The following DNAH11 variants were observed in gnomAD, a reference collection of about 807,000 sequenced individuals.
DNAH11 encodes axonemal beta dynein heavy chain 11.
In DNAH11, 442 loss-of-function variants were observed where a neutral mutation model predicts 526.0. The observed-to-expected ratio is 0.84, with a 90% CI of 0.78 to 0.91. DNAH11 has a LOEUF of 0.91. Ranked by LOEUF, DNAH11 falls within the 40% of genes least tolerant of loss-of-function variation. The pLI is 0.00. For missense variants in DNAH11, 6,989 were observed against 5,448.7 expected (o/e 1.28, Z -8.90); for synonymous variants, 2,461 against 1,935.9 (o/e 1.27, Z -7.12).
At chr7:21,771,734 C>A (rs1245263047) in intron 55 of DNAH11, among the ~76,000 whole-genome samples, 1 of 152,046 alleles carries the variant, frequency 6.6e-6, no homozygotes, top group East Asian at 1.9e-4. Context: ...GAGGCCAAAT[C>A]TAGCAGGAAT....
Position 21,543,414 on chromosome 7 carries a change from GCGCGGGTGCGCTTCCTCGGCGGC to G in DNAH11, c.173_195del (p.Arg58ProfsTer40). ...GAGAGCGCGGAGTTTCGCCCAAGAC[GCGCGGGTGCGCTTCCTCGGCGGC>G]CGCCTGGCGATGATGCTGGGGTTCA... is the stretch of plus-strand genomic sequence containing the variant. On this transcript the variant is annotated frameshift_variant, in exon 1 of 82. Coordinates refer to ENST00000409508, the MANE Select transcript of DNAH11 (RefSeq NM_001277115.2). LOFTEE classifies it high-confidence loss of function. 1 of 1,554,526 alleles carries G rather than the reference GCGCGGGTGCGCTTCCTCGGCGGC, an allele frequency of 6.4e-7. No homozygotes were observed. Among genetic ancestry groups the G allele is most frequent in the African/African-American group, 1.4e-5 (1 of 73,422 alleles).
At chr7:21,654,583 A>G (rs1408273638) in intron 28 of DNAH11, among the ~76,000 whole-genome samples, 3 of 151,958 alleles carry the variant, frequency 2.0e-5, no homozygotes, top group Non-Finnish European at 4.4e-5. Context: ...CCTATTTTCA[A>G]CTCTGTAGGT....
chr7:21,856,022 A>G (rs1782833702), intron 68 of DNAH11, among the ~76,000 whole-genome samples: 1 of 152,130 alleles, frequency 6.6e-6, no homozygotes, highest in South Asian at 2.1e-4. Flanking sequence ...GTGTTTGGAG[A>G]AAACAGGAAT....
chr7:21,586,571 T>C (rs1784484384), intron 9 of DNAH11, among the ~76,000 whole-genome samples: 1 of 152,226 alleles, frequency 6.6e-6, no homozygotes. Context: ...AATTTTATTT[T>C]CAGTGAATGT....
At chr7:21,676,450 C>T (rs548864086) in intron 30 of DNAH11, among the ~76,000 whole-genome samples, 1 of 152,216 alleles carries the variant, frequency 6.6e-6, no homozygotes, top group Admixed American at 6.5e-5. Flanking sequence ...TGCCACTGCC[C>T]AAATAATAGA....
intron 65 of DNAH11, among the ~76,000 whole-genome samples, chr7:21,819,401 A>G (rs1789957087): frequency 6.6e-6 from 1 of 152,168 alleles, no homozygotes; most frequent in Admixed American, 6.5e-5. Flanking sequence ...ACAACTTATA[A>G]TTGTTTAATA....
intron 25 of DNAH11, among the ~76,000 whole-genome samples, chr7:21,632,900 C>T (rs1413759011): frequency 6.6e-6 from 1 of 152,160 alleles, no homozygotes; most frequent in Non-Finnish European, 1.5e-5. Flanking sequence ...AGTTCATTTT[C>T]ATGCTGCTGA....
intron 40 of DNAH11, among the ~76,000 whole-genome samples, chr7:21,708,891 T>C (rs183007317): frequency 6.6e-6 from 1 of 152,208 alleles, no homozygotes; most frequent in African/African-American, 2.4e-5. Context: ...CACAATGAGA[T>C]AGAATCTCAT....
At chr7:21,785,700 T>C (rs1005859947) in intron 58 of DNAH11, among the ~76,000 whole-genome samples, 7 of 68,548 alleles carry the variant, frequency 1.0e-4, no homozygotes, top group Non-Finnish European at 1.8e-4. Flanking sequence ...GCTGTGTATA[T>C]GTATAAGTTA....
intron 63 of DNAH11, among the ~76,000 whole-genome samples, chr7:21,814,208 G>T (rs1026638288): frequency 6.6e-6 from 1 of 152,154 alleles, no homozygotes; most frequent in African/African-American, 2.4e-5. Context: ...CACCTATCGC[G>T]AATGGAGCAT....
chr7:21,894,579 A>T, intron 77 of DNAH11, 44 bp from the exon 78 acceptor site: 1 of 1,593,178 alleles, frequency 6.3e-7, no homozygotes. Context: ...CCATGACGAA[A>T]ACTGAAATAG....
At chr7:21,744,326 TATTTC>T (rs1786048749) in intron 49 of DNAH11, 107 bp from the exon 50 acceptor site, 5 of 1,149,484 alleles carry the variant, frequency 4.3e-6, no homozygotes, top group African/African-American at 1.6e-5. Flanking sequence ...CTATTGATGA[TATTTC>T]TTTTAACCAT....
chr7:21,621,003 T>A (rs867975441), intron 25 of DNAH11, among the ~76,000 whole-genome samples: 2 of 152,094 alleles, frequency 1.3e-5, no homozygotes, highest in Non-Finnish European at 2.9e-5. Context: ...TTTGCTGTTG[T>A]GAATAGTGCC....
chr7:21,572,167 T>G (rs1296849391), intron 8 of DNAH11, among the ~76,000 whole-genome samples, 194 bp downstream of exon 8: 2 of 152,220 alleles, frequency 1.3e-5, no homozygotes, highest in Non-Finnish European at 2.9e-5. Context: ...TTTTGCATTT[T>G]CAGTTCAGAA....
chr7:21,700,766 A>C (rs980053301), intron 36 of DNAH11, among the ~76,000 whole-genome samples: 4 of 152,204 alleles, frequency 2.6e-5, no homozygotes, highest in Non-Finnish European at 4.4e-5. Flanking sequence ...ACACCATGGA[A>C]TACTATGCAG....
Position 21,617,612 on chromosome 7 carries a change from T to G in DNAH11, c.4096-7T>G. ...GGAGCTAGGTTTTTTCCTCCACTTT[T>G]CTTTAGGAAATTTGGTCACTCAACA... On this transcript the variant is annotated splice_region_variant and splice_polypyrimidine_tract_variant and intron_variant, in intron 22 of 81. Coordinates refer to ENST00000409508, the MANE Select transcript of DNAH11 (RefSeq NM_001277115.2). 1.2e-6 allele frequency: 2 copies of G among 1,613,674 alleles called. No individual in the cohort carries two copies. The highest frequency in any genetic ancestry group is 1.7e-6 in the Non-Finnish European group (2 of 1,179,732).
At chr7:21,798,975 A>T (rs1788841498) in intron 61 of DNAH11, among the ~76,000 whole-genome samples, 1 of 152,146 alleles carries the variant, frequency 6.6e-6, no homozygotes. Flanking sequence ...ATATTACTTG[A>T]TATCATCTGT....
At chr7:21,553,295 G>A (rs1270949339) in intron 2 of DNAH11, among the ~76,000 whole-genome samples, 2 of 151,936 alleles carry the variant, frequency 1.3e-5, no homozygotes, top group African/African-American at 4.8e-5. Context: ...GACCCAGGAT[G>A]TTAGTTTCTG....
At chr7:21,807,008 A>G (rs752418141) in intron 62 of DNAH11, among the ~76,000 whole-genome samples, 23 of 152,020 alleles carry the variant, frequency 1.5e-4, no homozygotes, top group Non-Finnish European at 3.2e-4. Flanking sequence ...TACCAATGCT[A>G]CTCTTTAATT....
Sources: allele counts gnomAD v4.1 joint callset (sites outside exome capture counted in the v4.1 genomes callset), GRCh38; gene constraint gnomAD v4.1.1; transcripts MANE v1.5; gene names NCBI Gene and HGNC (gene_info 2026-07-23, HGNC 2026-07-21).